The following ZNF536 variants were observed in gnomAD, a reference collection of about 807,000 sequenced individuals.
The protein encoded by ZNF536 is zinc finger protein 536.
In ZNF536, 13 loss-of-function variants were observed where a neutral mutation model predicts 84.5. The observed-to-expected ratio is 0.15, with a 90% CI of 0.10 to 0.24. ZNF536 has a LOEUF of 0.24. ZNF536 is among the 10% of genes least tolerant of loss of function. The probability of loss-of-function intolerance (pLI) is 1.00; values close to 1 mark genes in which losing one functional copy is unlikely to be tolerated. For synonymous variants in ZNF536, 811 were observed against 742.5 expected, an observed-to-expected ratio of 1.09 and a Z score of -1.50; for missense variants, 1,536 against 1,747.5, an observed-to-expected ratio of 0.88 and a Z score of 2.16.
intron 1 of ZNF536, among the ~76,000 whole-genome samples, chr19:30,244,966 G>A (rs1280001069): frequency 6.6e-6 from 1 of 152,150 alleles, no homozygotes; most frequent in African/African-American, 2.4e-5. Flanking sequence ...ACTTAAGGAG[G>A]GTTTGACAGG....
intron 3 of ZNF536, among the ~76,000 whole-genome samples, chr19:30,547,111 A>G (rs1037307023): frequency 1.3e-5 from 2 of 152,230 alleles, no homozygotes; most frequent in South Asian, 4.1e-4. Flanking sequence ...CTACCGGAGC[A>G]TTAGGTTTGC....
intron 2 of ZNF536, among the ~76,000 whole-genome samples, chr19:30,461,692 G>A: frequency 6.6e-6 from 1 of 152,214 alleles, no homozygotes. Flanking sequence ...AGCCTGACTT[G>A]GGCTGCCCGG....
At chr19:30,340,507 T>C (rs1245369607) in intron 2 of ZNF536, among the ~76,000 whole-genome samples, 1 of 152,198 alleles carries the variant, frequency 6.6e-6, no homozygotes, top group African/African-American at 2.4e-5. Flanking sequence ...TTTTTATATA[T>C]ATCTCAGAGG....
At position 30,331,984 on chromosome 19, in the gene ZNF536, C is replaced by T. The variant is rs143659011; in HGVS notation, c.-119-20384C>T. Among the ~76,000 whole-genome samples the T allele has an allele frequency of 2.8e-3, 422 of 152,250 alleles. 2 individuals are homozygous for T. The highest frequency in any genetic ancestry group is 0.02 in the South Asian group (98 of 4,822). On this transcript the variant is annotated intron_variant, in intron 2 of 5. Transcript: ENST00000585628. Reference sequence around the variant, plus strand: ...CATGCACCTGATGAATCTTCAGTCCCGGGTGAACTCAGATATCTCCCTTTT... The same window carrying T: ...CATGCACCTGATGAATCTTCAGTCCTGGGTGAACTCAGATATCTCCCTTTT...
chr19:30,529,673 T>C (rs1241809224), intron 2 of ZNF536, among the ~76,000 whole-genome samples: 2 of 152,238 alleles, frequency 1.3e-5, no homozygotes, highest in East Asian at 3.9e-4. Context: ...TGTTGCCTGA[T>C]GTCTCCTTGT....
At chr19:30,585,956 T>C (rs2047080042) in intron 1 of ZNF536, among the ~76,000 whole-genome samples, 1 of 152,212 alleles carries the variant, frequency 6.6e-6, no homozygotes, top group African/African-American at 2.4e-5. Context: ...ATATTTTCTT[T>C]TATCCCAGAA....
At chr19:30,350,059 AG>A (rs1249871103) in intron 2 of ZNF536, among the ~76,000 whole-genome samples, 1 of 152,038 alleles carries the variant, frequency 6.6e-6, no homozygotes, top group East Asian at 1.9e-4. Context: ...GTATATCATT[AG>A]AAAGTCTGGT....
intron 2 of ZNF536, among the ~76,000 whole-genome samples, chr19:30,509,003 T>A (rs568857361): frequency 3.3e-5 from 5 of 150,912 alleles, no homozygotes; most frequent in Admixed American, 3.3e-4. Context: ...GACTAATTTT[T>A]AAAAAATTTC....
rs148241759 is a variant in ZNF536, at chr19:30,543,005, T to C, written c.2324-4938T>C. Among the ~76,000 whole-genome samples, 527 of 152,066 alleles carry C rather than the reference T, an allele frequency of 3.5e-3. 2 individuals are homozygous for C. Among genetic ancestry groups the C allele is most frequent in the African/African-American group, 0.012 (510 of 41,488 alleles). ...TTTTAAATTTTTTGTAGAAACGAGG[T>C]CTCCCTGTGTTGCCCATGCTGGTCT... On this transcript the variant is annotated intron_variant, in intron 3 of 4. Transcript: ENST00000355537.
chr19:30,475,441 CA>C (rs1244049023), intron 2 of ZNF536, among the ~76,000 whole-genome samples: 1 of 151,848 alleles, frequency 6.6e-6, no homozygotes, highest in African/African-American at 2.4e-5. Flanking sequence ...CTATCTCTAG[CA>C]AAAAAATTAA....
intron 1 of ZNF536, among the ~76,000 whole-genome samples, chr19:30,417,024 A>C (rs534075973): frequency 6.6e-6 from 1 of 151,970 alleles, no homozygotes; most frequent in East Asian, 1.9e-4. Context: ...TCCAGACTGG[A>C]GTGCAGTGAC....
At chr19:30,563,273 A>G (rs1188486837) in intron 1 of ZNF536, among the ~76,000 whole-genome samples, 2 of 152,156 alleles carry the variant, frequency 1.3e-5, no homozygotes, top group South Asian at 4.1e-4. Context: ...GATTCTTCCC[A>G]TCCCTGGGGT....
intron 1 of ZNF536, among the ~76,000 whole-genome samples, chr19:30,386,633 C>T (rs182311306): frequency 1.3e-3 from 204 of 152,354 alleles, no homozygotes; most frequent in African/African-American, 4.5e-3. Flanking sequence ...CTGCCTTGGC[C>T]TCCCAAAATG....
intron 2 of ZNF536, among the ~76,000 whole-genome samples, chr19:30,494,238 C>T (rs1421807815): frequency 2.6e-5 from 4 of 152,128 alleles, no homozygotes; most frequent in Non-Finnish European, 5.9e-5. Context: ...GTAGGGGGAC[C>T]GTAGGCCCCT....
chr19:30,379,166 C>T (rs1315205903), intron 1 of ZNF536, among the ~76,000 whole-genome samples: 1 of 152,200 alleles, frequency 6.6e-6, no homozygotes, highest in African/African-American at 2.4e-5. Context: ...TGTGTATTCT[C>T]CTGACTAGAG....
chr19:30,713,076 G>C (rs984050432), exon 2 of ZNF536: 14 of 152,040 alleles, frequency 9.2e-5, no homozygotes, highest in African/African-American at 3.4e-4. Flanking sequence ...CCTCAGATGC[G>C]ACAGGCAATA....
chr19:30,516,647 C>T (rs945995249), intron 2 of ZNF536, among the ~76,000 whole-genome samples: 5 of 152,082 alleles, frequency 3.3e-5, no homozygotes, highest in African/African-American at 9.7e-5. Flanking sequence ...TTGATGATTA[C>T]GAGACAGGCA....
At chr19:30,500,680 G>A (rs2054913350) in intron 2 of ZNF536, among the ~76,000 whole-genome samples, 1 of 151,644 alleles carries the variant, frequency 6.6e-6, no homozygotes, top group Non-Finnish European at 1.5e-5. Flanking sequence ...GCAGGAGGCT[G>A]TGGGATGAAT....
At chr19:30,645,753 C>A (rs749307915) in intron 1 of ZNF536, among the ~76,000 whole-genome samples, 1 of 152,192 alleles carries the variant, frequency 6.6e-6, no homozygotes, top group Non-Finnish European at 1.5e-5. Flanking sequence ...AGATGAGGGC[C>A]GTCTGCTAGT....
Sources: gnomAD v4.1 joint callset for allele counts (sites outside exome capture counted in the v4.1 genomes callset) on GRCh38, gnomAD v4.1.1 for gene constraint, MANE v1.5 for transcripts, NCBI Gene and HGNC (gene_info 2026-07-23, HGNC 2026-07-21) for gene names.